Variants in UNC13C observed in about 807,000 individuals in gnomAD.
The protein encoded by UNC13C is unc-13 homolog C.
In UNC13C, 174 loss-of-function variants were observed where a neutral mutation model predicts 245.4. That is an observed-to-expected ratio of 0.71 (90% CI 0.63 to 0.80). The LOEUF is 0.80. UNC13C is among the 30% of genes least tolerant of loss of function. The pLI, the probability that UNC13C is intolerant of heterozygous loss-of-function variation, is 0.00. For synonymous variants in UNC13C, 992 were observed against 895.1 expected (o/e 1.11, Z -1.93); for missense variants, 2,829 against 2,602.9 (o/e 1.09, Z -1.89).
chr15:54,223,909 G>T (rs1293544041), intron 4 of UNC13C, among the ~76,000 whole-genome samples: 1 of 151,894 alleles, frequency 6.6e-6, no homozygotes, highest in Non-Finnish European at 1.5e-5. Context: ...TTGTAAATGA[G>T]GTTACTTTCT....
chr15:54,034,027 G>A (rs1350643023), intron 2 of UNC13C, among the ~76,000 whole-genome samples: 4 of 152,172 alleles, frequency 2.6e-5, no homozygotes, highest in Admixed American at 1.3e-4. Context: ...TAGTGCTAGC[G>A]ATTTCTCTGG....
intron 2 of UNC13C, among the ~76,000 whole-genome samples, chr15:54,140,788 G>A (rs1349583358): frequency 2.0e-5 from 3 of 151,972 alleles, no homozygotes; most frequent in Non-Finnish European, 2.9e-5. Context: ...TGGATTTTAT[G>A]TTCTTTCATG....
intron 23 of UNC13C, among the ~76,000 whole-genome samples, chr15:54,509,671 T>G (rs1443978715): frequency 6.6e-6 from 1 of 152,218 alleles, no homozygotes; most frequent in Non-Finnish European, 1.5e-5. Context: ...AATGTTTCCT[T>G]TGCTGTCAGT....
At chr15:54,122,155 G>A (rs1156326820) in intron 2 of UNC13C, among the ~76,000 whole-genome samples, 1 of 151,316 alleles carries the variant, frequency 6.6e-6, no homozygotes, top group African/African-American at 2.4e-5. Context: ...CATTAGTTAG[G>A]GCTTTGGGGC....
At chr15:54,314,680 G>A (rs185091960) in intron 13 of UNC13C, among the ~76,000 whole-genome samples, 1 of 151,864 alleles carries the variant, frequency 6.6e-6, no homozygotes, top group African/African-American at 2.4e-5. Flanking sequence ...AAACAATTAA[G>A]TATTTAAAGA....
chr15:53,893,825 G>A, the UNC13C span, among the ~76,000 whole-genome samples: 1 of 152,188 alleles, frequency 6.6e-6, no homozygotes. Flanking sequence ...GACCACTTGG[G>A]TCCCTGGCTT....
chr15:53,852,269 A>C, the UNC13C span, among the ~76,000 whole-genome samples: 1 of 152,088 alleles, frequency 6.6e-6, no homozygotes, highest in African/African-American at 2.4e-5. Flanking sequence ...TGCTGATTGG[A>C]TTGTTGAGTA....
In UNC13C at chr15:54,406,487, A is replaced by G. The variant is rs145812105; in HGVS notation, c.4848-8495A>G. Among the ~76,000 whole-genome samples, 948 of 152,246 alleles carry G rather than the reference A, an allele frequency of 6.2e-3. 7 individuals carry two copies. Among genetic ancestry groups the G allele is most frequent in the Non-Finnish European group, 9.7e-3 (658 of 67,996 alleles). ...AGATTCCTTCCACTTGAAATATGCA[A>G]TTTGCCAAGGTGCCATATTTTGGGG... On this transcript the variant is annotated intron_variant, in intron 18 of 32. Transcript: ENST00000260323.
At chr15:54,119,809 G>C (rs1257123981) in intron 2 of UNC13C, among the ~76,000 whole-genome samples, 1 of 152,114 alleles carries the variant, frequency 6.6e-6, no homozygotes, top group African/African-American at 2.4e-5. Flanking sequence ...CTCATATAAA[G>C]AAAGTTTTAG....
intron 24 of UNC13C, 98 bp from the exon 25 acceptor site, chr15:54,525,451 G>A: frequency 1.6e-6 from 1 of 632,004 alleles, no homozygotes. Flanking sequence ...CTTACATGTT[G>A]TTTGAAGTTA....
intron 19 of UNC13C, among the ~76,000 whole-genome samples, chr15:54,472,842 T>G (rs1892531957): frequency 6.6e-6 from 1 of 151,970 alleles, no homozygotes. Context: ...TTTAACTTGT[T>G]TCCTTTTTTA....
the UNC13C span, chr15:53,913,010 T>TGG: frequency 6.6e-6 from 1 of 152,232 alleles, no homozygotes; most frequent in South Asian, 2.1e-4. Flanking sequence ...AATGCATTCT[T>TGG]CTCCATTGAC....
chr15:54,233,682 T>G lies in UNC13C; in HGVS notation c.3072-1348T>G, dbSNP rs79681760. ...CTCATGACGACTAAGAAAAATCCATTAAGACTAAGTTTCCTTATATTAAGC... is the reference window on the plus strand; with the variant it reads ...CTCATGACGACTAAGAAAAATCCATGAAGACTAAGTTTCCTTATATTAAGC... On this transcript the variant is annotated intron_variant, in intron 4 of 32. Coordinates refer to ENST00000260323, the MANE Select transcript of UNC13C (RefSeq NM_001080534.3). 3.3e-3 allele frequency among the ~76,000 whole-genome samples: 507 copies of G among 152,264 alleles called. 21 individuals are homozygous for G. The East Asian group carries it at 0.064, about 19-fold the overall frequency.
chr15:54,292,979 AT>A (rs2037339650), intron 10 of UNC13C, among the ~76,000 whole-genome samples: 1 of 149,856 alleles, frequency 6.7e-6, no homozygotes, highest in Non-Finnish European at 1.5e-5. Context: ...CATATATAAT[AT>A]GTATATTCTC....
chr15:53,890,428 A>C, the UNC13C span, among the ~76,000 whole-genome samples: 26 of 152,250 alleles, frequency 1.7e-4, no homozygotes, highest in South Asian at 5.2e-3. Context: ...GGCATGAGCC[A>C]CTGCGCCCAG....
Position 54,186,012 on chromosome 15 carries a change from A to T in UNC13C, c.3071+42328A>T, listed in dbSNP as rs574045504. Among the ~76,000 whole-genome samples, 76 of 151,240 alleles carry T rather than the reference A, an allele frequency of 5.0e-4. 1 individual carries two copies. In the East Asian group the frequency reaches 0.013, roughly 25 times the overall value. ...TCCCTTGTAAGTTGGATTCCTAGGT[A>T]TTTTATTCTCTTTGAAGCAATTGTG... On this transcript the variant is annotated intron_variant, in intron 4 of 32. Transcript: ENST00000260323.
chr15:54,067,823 T>A (rs1898142616), intron 2 of UNC13C, among the ~76,000 whole-genome samples: 1 of 152,216 alleles, frequency 6.6e-6, no homozygotes, highest in African/African-American at 2.4e-5. Flanking sequence ...TGGGATGCTG[T>A]GAGACCTAGT....
chr15:54,047,386 G>A (rs1045446852), intron 2 of UNC13C, among the ~76,000 whole-genome samples: 20 of 152,030 alleles, frequency 1.3e-4, no homozygotes, highest in African/African-American at 4.3e-4. Flanking sequence ...CAGAAGCTAT[G>A]TACCCGTTAA....
the UNC13C span, among the ~76,000 whole-genome samples, chr15:53,840,488 C>A: frequency 6.6e-6 from 1 of 152,036 alleles, no homozygotes; most frequent in Non-Finnish European, 1.5e-5. Context: ...AATAAAAAAA[C>A]AAGGAGAAAG....
Sources: allele counts gnomAD v4.1 joint callset (sites outside exome capture counted in the v4.1 genomes callset), GRCh38; gene constraint gnomAD v4.1.1; transcripts MANE v1.5; gene names NCBI Gene and HGNC (gene_info 2026-07-23, HGNC 2026-07-21).